TAF3: variants seen among roughly 807,000 people sequenced by gnomAD.
The protein encoded by TAF3 is transcription initiation factor TFIID subunit 3.
A neutral mutation model predicts 80.6 loss-of-function variants in TAF3; 7 were observed. That is an observed-to-expected ratio of 0.09 (90% CI 0.05 to 0.16). TAF3 has a LOEUF of 0.16. Ranked by LOEUF, TAF3 falls within the 10% of genes least tolerant of loss-of-function variation. The probability of loss-of-function intolerance (pLI) is 1.00; values close to 1 mark genes in which losing one functional copy is unlikely to be tolerated. For synonymous variants in TAF3, 444 were observed against 446.1 expected (o/e 1.00, Z 0.06); for missense variants, 921 against 1,140.2 (o/e 0.81, Z 2.77).
intron 2 of TAF3, among the ~76,000 whole-genome samples, chr10:7,838,585 T>C (rs1836876309): frequency 6.6e-6 from 1 of 152,158 alleles, no homozygotes; most frequent in Non-Finnish European, 1.5e-5. Context: ...TTTCACCATG[T>C]TGGCCAGGCT....
At chr10:7,947,457 G>A (rs1470976467) in intron 2 of TAF3, among the ~76,000 whole-genome samples, 2 of 152,170 alleles carry the variant, frequency 1.3e-5, no homozygotes, top group African/African-American at 4.8e-5. Flanking sequence ...ATTCTGTGGT[G>A]TTAGGTAAGG....
intron 2 of TAF3, among the ~76,000 whole-genome samples, chr10:7,867,963 A>C (rs1837230855): frequency 6.6e-6 from 1 of 152,226 alleles, no homozygotes; most frequent in Non-Finnish European, 1.5e-5. Flanking sequence ...AAAAGAAAAT[A>C]TTATTAAGAA....
intron 2 of TAF3, among the ~76,000 whole-genome samples, chr10:7,887,504 C>G (rs1470908945): frequency 6.6e-6 from 1 of 151,822 alleles, no homozygotes; most frequent in Non-Finnish European, 1.5e-5. Flanking sequence ...CTTTTTCTTT[C>G]CCCACTTCTG....
intron 2 of TAF3, among the ~76,000 whole-genome samples, chr10:7,870,379 TATA>T (rs1837253094): frequency 1.3e-5 from 2 of 152,258 alleles, no homozygotes; most frequent in Admixed American, 1.3e-4. Flanking sequence ...CATTTTTACT[TATA>T]GTTAATTCTC....
chr10:7,966,260 T>C (rs1831570561), intron 3 of TAF3, among the ~76,000 whole-genome samples: 1 of 152,226 alleles, frequency 6.6e-6, no homozygotes, highest in Non-Finnish European at 1.5e-5. Flanking sequence ...CTACAGAACT[T>C]TCCGTAGCAT....
intron 4 of TAF3, among the ~76,000 whole-genome samples, chr10:8,003,094 C>A (rs899836341): frequency 2.0e-5 from 3 of 152,180 alleles, no homozygotes; most frequent in Admixed American, 1.3e-4. Context: ...ACTGTTTATA[C>A]AGCCTGACAA....
At chr10:7,959,259 A>G (rs1227701343) in intron 2 of TAF3, among the ~76,000 whole-genome samples, 1 of 152,242 alleles carries the variant, frequency 6.6e-6, no homozygotes, top group Non-Finnish European at 1.5e-5. Flanking sequence ...AATCTTAAGT[A>G]AATAAGAAAG....
intron 2 of TAF3, among the ~76,000 whole-genome samples, chr10:7,952,087 G>A (rs1838088011): frequency 1.3e-5 from 2 of 152,208 alleles, no homozygotes; most frequent in Non-Finnish European, 2.9e-5. Flanking sequence ...AAATCATGAT[G>A]ATAGTGATTT....
chr10:7,931,050 A>T (rs761484545), intron 2 of TAF3, among the ~76,000 whole-genome samples: 21 of 152,228 alleles, frequency 1.4e-4, no homozygotes, highest in Non-Finnish European at 3.1e-4. Flanking sequence ...ATCTGATGCC[A>T]GTAAAAGCAT....
chr10:7,938,967 A>G (rs142358103), intron 2 of TAF3, among the ~76,000 whole-genome samples: 1 of 152,316 alleles, frequency 6.6e-6, no homozygotes, highest in African/African-American at 2.4e-5. Context: ...CGTAAGGATA[A>G]TAGAGCAAGG....
At chr10:7,982,005 A>G (rs1176738136) in intron 4 of TAF3, among the ~76,000 whole-genome samples, 1 of 152,230 alleles carries the variant, frequency 6.6e-6, no homozygotes, top group Non-Finnish European at 1.5e-5. Flanking sequence ...TACAAAAATA[A>G]TCATTTAAAA....
At chr10:7,877,885 A>G (rs1837324771) in intron 2 of TAF3, among the ~76,000 whole-genome samples, 1 of 152,028 alleles carries the variant, frequency 6.6e-6, no homozygotes, top group Non-Finnish European at 1.5e-5. Context: ...TTATTTTGAG[A>G]AGGGACTAGT....
intron 2 of TAF3, among the ~76,000 whole-genome samples, chr10:7,895,716 T>C (rs559409585): frequency 7.3e-6 from 1 of 137,862 alleles, no homozygotes; most frequent in Non-Finnish European, 1.6e-5. Context: ...TTTCCACTAA[T>C]TGTGTGGCCT....
intron 2 of TAF3, among the ~76,000 whole-genome samples, chr10:7,835,367 T>C (rs564136072): frequency 6.6e-5 from 10 of 152,366 alleles, no homozygotes; most frequent in Non-Finnish European, 1.3e-4. Context: ...GGGTAGCTCC[T>C]CTGACTTTGC....
chr10:7,886,740 T>C (rs1014713462), intron 2 of TAF3, among the ~76,000 whole-genome samples: 18 of 152,238 alleles, frequency 1.2e-4, no homozygotes, highest in African/African-American at 2.4e-4. Context: ...TCAACACTTA[T>C]AACATGACCT....
At chr10:7,852,661 A>G (rs187066161) in intron 2 of TAF3, among the ~76,000 whole-genome samples, 2 of 152,356 alleles carry the variant, frequency 1.3e-5, no homozygotes, top group African/African-American at 4.8e-5. Flanking sequence ...TACACATAAT[A>G]TCAACATAAT....
chr10:7,894,499 T>G (rs1175874244), intron 2 of TAF3, among the ~76,000 whole-genome samples: 2 of 152,220 alleles, frequency 1.3e-5, no homozygotes, highest in Non-Finnish European at 2.9e-5. Context: ...CCTGATCGAT[T>G]CCTAGATGGT....
At chr10:8,003,220 T>C (rs36097611) in intron 4 of TAF3, among the ~76,000 whole-genome samples, 20,013 of 152,054 alleles carry the variant, frequency 0.13, 1,809 homozygotes, top group African/African-American at 0.26. Context: ...CTCTCTCTCT[T>C]TTCTTTTATC....
chr10:7,955,757 C>T (rs1838129101), intron 2 of TAF3, among the ~76,000 whole-genome samples: 1 of 152,146 alleles, frequency 6.6e-6, no homozygotes, highest in Non-Finnish European at 1.5e-5. Context: ...TTGCCTTGTT[C>T]TGTTTTTGTC....
Sources: allele counts gnomAD v4.1 joint callset (sites outside exome capture counted in the v4.1 genomes callset), GRCh38; gene constraint gnomAD v4.1.1; transcripts MANE v1.5; gene names NCBI Gene and HGNC (gene_info 2026-07-23, HGNC 2026-07-21).